FGL1: variants seen among roughly 807,000 people sequenced by gnomAD.
The protein encoded by FGL1 is fibrinogen-like protein 1.
FGL1 carries 59 observed loss-of-function variants against 43.7 expected under a neutral mutation model. The ratio of observed to expected loss-of-function variants is 1.35; its 90% CI spans 1.10 to 1.68. The LOEUF is 1.68. FGL1 is among the 40% of genes most tolerant of loss of function. FGL1 has a pLI of 0.00. For synonymous variants in FGL1, 192 were observed against 126.5 expected (o/e 1.52, Z -3.48); for missense variants, 596 against 373.0 (o/e 1.60, Z -4.92).
chr8:17,872,095 C>T lies in FGL1; in HGVS notation c.502+1924G>A, dbSNP rs998456773. Among the ~76,000 whole-genome samples the T allele has an allele frequency of 2.0e-5, 3 of 151,742 alleles. No homozygotes were observed. The South Asian group carries it at 6.2e-4, about 31-fold the overall frequency. On this transcript the variant is annotated intron_variant, in intron 5 of 7. Coordinates refer to ENST00000427924, the MANE Select transcript of FGL1 (RefSeq NM_004467.4). ...AATAGATATGTTGAAGGAAAGGAAG[C>T]GTTATGTAAATTTAGAGAGCACTGA...
At chr8:17,877,809 A>T (rs61091837) in intron 3 of FGL1, among the ~76,000 whole-genome samples, 5 of 152,318 alleles carry the variant, frequency 3.3e-5, no homozygotes, top group African/African-American at 1.2e-4. Context: ...TAAATGTGCA[A>T]TTAAATTAAT....
Position 17,871,626 on chromosome 8 carries a change from C to T in FGL1, c.502+2393G>A, listed in dbSNP as rs147050919. ...TACCATTTCTAAATCAATTTTATTG[C>T]CACTACTTCTAGTTGAGATTTATGT... On this transcript the variant is annotated intron_variant, in intron 5 of 7. Transcript: ENST00000427924. Among the ~76,000 whole-genome samples the T allele has an allele frequency of 1.5e-3, 233 of 152,156 alleles. 1 individual carries two copies. Among genetic ancestry groups the T allele is most frequent in the African/African-American group, 5.3e-3 (222 of 41,520 alleles).
At chr8:17,874,220 T>C (rs2053408778) in intron 4 of FGL1, 104 bp from the exon 5 acceptor site, 1 of 1,350,380 alleles carries the variant, frequency 7.4e-7, no homozygotes, top group Non-Finnish European at 1.0e-6. Context: ...TTTTCTTGAT[T>C]AGTTAATTCA....
intron 7 of FGL1, among the ~76,000 whole-genome samples, chr8:17,866,123 A>G (rs1037952764): frequency 6.6e-6 from 1 of 152,206 alleles, no homozygotes; most frequent in African/African-American, 2.4e-5. Context: ...TATTTGGTCT[A>G]TCATTTGAAT....
chr8:17,890,005 A>G (rs2053682551), intron 1 of FGL1, among the ~76,000 whole-genome samples: 1 of 152,228 alleles, frequency 6.6e-6, no homozygotes, highest in African/African-American at 2.4e-5. Context: ...CTCCCATGTT[A>G]ATACATTAAT....
chr8:17,870,017 G>T (rs1391591935), intron 5 of FGL1, among the ~76,000 whole-genome samples: 1 of 152,140 alleles, frequency 6.6e-6, no homozygotes, highest in East Asian at 1.9e-4. Flanking sequence ...GGCTGAGGCA[G>T]GAGAATGGCG....
At chr8:17,882,821 C>A (rs62500069) in intron 2 of FGL1, among the ~76,000 whole-genome samples, 6,407 of 29,172 alleles carry the variant, frequency 0.22, 511 homozygotes, top group Middle Eastern at 0.45. Context: ...TATAATATAT[C>A]ATATATAATA....
chr8:17,873,415 G>C (rs2053394873), intron 5 of FGL1, among the ~76,000 whole-genome samples: 2 of 152,066 alleles, frequency 1.3e-5, no homozygotes. Context: ...GTTGATGGCA[G>C]ACTCATAAGC....
chr8:17,886,381 T>G (rs1490478666), intron 1 of FGL1, among the ~76,000 whole-genome samples: 1 of 152,160 alleles, frequency 6.6e-6, no homozygotes, highest in Non-Finnish European at 1.5e-5. Context: ...AAGAAAAAGT[T>G]TAAAAGATGC....
At chr8:17,866,067 T>A (rs1343509444) in intron 7 of FGL1, among the ~76,000 whole-genome samples, 1 of 152,242 alleles carries the variant, frequency 6.6e-6, no homozygotes, top group Non-Finnish European at 1.5e-5. Context: ...ATATATATTT[T>A]GGCATATATT....
rs1321143697 is a variant in FGL1, at chr8:17,887,589, C to A, written c.-17-2018G>T. ...GATGGGCCGGGCGTGTTGGCTCACA[C>A]CTGTAATCCCAGCACTTCGAGAGGC... On this transcript the variant is annotated intron_variant, in intron 1 of 7. Coordinates refer to ENST00000427924, the MANE Select transcript of FGL1 (RefSeq NM_004467.4). Among the ~76,000 whole-genome samples, 4 of 152,290 alleles carry A rather than the reference C, an allele frequency of 2.6e-5. No individual in the cohort carries two copies. In the East Asian group the frequency reaches 7.7e-4, roughly 29 times the overall value.
intron 2 of FGL1, among the ~76,000 whole-genome samples, chr8:17,884,450 C>A (rs992489603): frequency 6.6e-6 from 1 of 152,144 alleles, no homozygotes; most frequent in African/African-American, 2.4e-5. Flanking sequence ...CCACCTCGGC[C>A]CCTCAAAGTG....
chr8:17,888,158 T>C (rs1051933659), intron 1 of FGL1, among the ~76,000 whole-genome samples: 3 of 152,016 alleles, frequency 2.0e-5, no homozygotes, highest in African/African-American at 7.2e-5. Context: ...ATAGAGAAAA[T>C]TAACTTTCTG....
At chr8:17,876,233 T>C (rs1040077669) in intron 3 of FGL1, among the ~76,000 whole-genome samples, 4 of 152,222 alleles carry the variant, frequency 2.6e-5, no homozygotes, top group African/African-American at 9.6e-5. Flanking sequence ...TAAAGATGTT[T>C]AAAGATTTAA....
Position 17,868,713 on chromosome 8 carries a change from C to A in FGL1, c.614G>T (p.Gly205Val). ...DEKNFYELNI[G>V]EYSGTAGDSL... ...ATCTCCAGCTGTTCCAGAATATTCC[C>A]CAATATTCAACTCGTAGAAATTCTA... The change falls in exon 7 of 8, where the codon GGG becomes GTG. Residue 205 changes from glycine to valine, a missense_variant. Gly to Val is a moderately radical substitution (Grantham distance 109, BLOSUM62 -3). Coordinates refer to ENST00000427924, the MANE Select transcript of FGL1 (RefSeq NM_004467.4). 1 of 1,612,728 alleles carries A rather than the reference C, an allele frequency of 6.2e-7. No individual in the cohort carries two copies. Among genetic ancestry groups the A allele is most frequent in the Non-Finnish European group, 8.5e-7 (1 of 1,179,370 alleles).
At chr8:17,871,651 T>C (rs2053362723) in intron 5 of FGL1, among the ~76,000 whole-genome samples, 2 of 152,222 alleles carry the variant, frequency 1.3e-5, no homozygotes, top group Admixed American at 1.3e-4. Context: ...GAGATTTATG[T>C]AGTGGGGATA....
intron 2 of FGL1, 116 bp downstream of exon 2, chr8:17,885,376 C>G: frequency 1.2e-6 from 1 of 824,914 alleles, no homozygotes; most frequent in Non-Finnish European, 1.9e-6. Context: ...CTTTGCTTTT[C>G]CCACATAGTT....
intron 2 of FGL1, 123 bp downstream of exon 2, chr8:17,885,369 T>C (rs1301772785): frequency 1.5e-5 from 12 of 780,968 alleles, no homozygotes; most frequent in Non-Finnish European, 2.5e-5. Context: ...CCAGCCTCTT[T>C]GCTTTTCCCA....
intron 3 of FGL1, among the ~76,000 whole-genome samples, chr8:17,875,272 A>T (rs1430790363): frequency 1.3e-5 from 2 of 152,154 alleles, no homozygotes; most frequent in Non-Finnish European, 2.9e-5. Context: ...TGCTGCACCC[A>T]TAATCTTGTC....
Sources: gnomAD v4.1 joint callset for allele counts (sites outside exome capture counted in the v4.1 genomes callset) on GRCh38, gnomAD v4.1.1 for gene constraint, MANE v1.5 for transcripts, NCBI Gene and HGNC (gene_info 2026-07-23, HGNC 2026-07-21) for gene names.